Variants in YY1AP1 observed in about 807,000 individuals in gnomAD.
The protein encoded by YY1AP1 is YY1-associated protein 1.
YY1AP1 carries 43 observed loss-of-function variants against 39.9 expected under a neutral mutation model. That is an observed-to-expected ratio of 1.08 (90% CI 0.84 to 1.39). The LOEUF is 1.39. Among genes scored for constraint, YY1AP1 ranks in the 40% most tolerant of loss-of-function variants. YY1AP1 has a pLI of 0.00. For synonymous variants in YY1AP1, 292 were observed against 331.3 expected (o/e 0.88, Z 1.29); for missense variants, 813 against 900.7 (o/e 0.90, Z 1.25).
intron 5 of YY1AP1, 76 bp downstream of exon 5, chr1:155,676,472 A>G: frequency 6.4e-7 from 1 of 1,557,568 alleles, no homozygotes; most frequent in East Asian, 2.2e-5. Flanking sequence ...CAAAGCTGCT[A>G]ATTTTAGATT....
At chr1:155,673,708 T>G (rs1210921016) in intron 6 of YY1AP1, among the ~76,000 whole-genome samples, 2 of 151,990 alleles carry the variant, frequency 1.3e-5, no homozygotes, top group East Asian at 3.9e-4. Context: ...CATCCCCAGC[T>G]AATTTTTTTA....
chr1:155,677,525 G>T (rs1023991730), intron 4 of YY1AP1, among the ~76,000 whole-genome samples: 23 of 152,164 alleles, frequency 1.5e-4, no homozygotes, highest in African/African-American at 2.9e-4. Context: ...CTATGCAACA[G>T]GATAAGATCT....
chr1:155,665,577 G>C (rs1648862928), intron 9 of YY1AP1, among the ~76,000 whole-genome samples: 1 of 151,212 alleles, frequency 6.6e-6, no homozygotes, highest in African/African-American at 2.4e-5. Flanking sequence ...ACTCCAGCCT[G>C]GGCAACAAAG....
chr1:155,673,504 T>C (rs920350663), intron 6 of YY1AP1, among the ~76,000 whole-genome samples: 5 of 152,124 alleles, frequency 3.3e-5, no homozygotes, highest in Non-Finnish European at 7.4e-5. Flanking sequence ...GAGAGTATTA[T>C]CATTACCTGT....
intron 9 of YY1AP1, among the ~76,000 whole-genome samples, chr1:155,664,559 C>T (rs1202222130): frequency 3.3e-5 from 5 of 151,974 alleles, no homozygotes; most frequent in African/African-American, 1.2e-4. Flanking sequence ...CATGGCAAAA[C>T]CCCATCTCTA....
In YY1AP1 at chr1:155,659,730, G is replaced by A; in HGVS notation, c.2180C>T (p.Ser727Phe). Residue 727 changes from serine to phenylalanine, a missense_variant, in exon 11 of 11, where the codon TCC (serine) becomes TTC (phenylalanine). Ser to Phe is a radical substitution (Grantham distance 155). This residue lies in a region of YY1AP1 where 586 missense variants were observed against 647.4 expected (regional missense o/e 0.91). Transcript: ENST00000355499. ...QGIQESLNNS[S>F]PGDLEEVVKM... ...GACAACTTCCTCTAAATCCCCAGGG[G>A]AAGAGTTGTTTAGAGACTCCTGGAT... 6.2e-7 allele frequency: 1 copy of A among 1,614,194 alleles called. No homozygotes were observed. Among genetic ancestry groups the A allele is most frequent in the Non-Finnish European group, 8.5e-7 (1 of 1,180,030 alleles).
chr1:155,682,146 T>C (rs142930310), intron 2 of YY1AP1, among the ~76,000 whole-genome samples: 1 of 152,338 alleles, frequency 6.6e-6, no homozygotes, highest in Non-Finnish European at 1.5e-5. Flanking sequence ...GAGATCTTTG[T>C]TCTGAGTTCT....
At chr1:155,667,064 T>TA (rs1649117417) in intron 9 of YY1AP1, among the ~76,000 whole-genome samples, 1 of 152,292 alleles carries the variant, frequency 6.6e-6, no homozygotes, top group Non-Finnish European at 1.5e-5. Context: ...CTAATGCATA[T>TA]AATCCCAGCT....
At chr1:155,688,297 C>T in intron 1 of YY1AP1, 96 bp from the exon 2 acceptor site, 3 of 1,570,586 alleles carry the variant, frequency 1.9e-6, no homozygotes, top group Non-Finnish European at 2.6e-6. Flanking sequence ...GGATCGTTTC[C>T]CCTCGCAAAG....
At chr1:155,674,225 T>C (rs1335026342) in intron 6 of YY1AP1, among the ~76,000 whole-genome samples, 6 of 148,966 alleles carry the variant, frequency 4.0e-5, no homozygotes, top group Non-Finnish European at 5.9e-5. Context: ...AAACTAGCTC[T>C]ACACATAAAA....
Position 155,680,416 on chromosome 1 carries a change from A to C in YY1AP1, c.21T>G (p.Thr7=), listed in dbSNP as rs143309316. The change falls in exon 3 of 11, where the codon ACT becomes ACG. Residue 7 remains threonine, a splice_region_variant and synonymous_variant. Transcript: ENST00000355499. ...TTCTCACTTGAGGATCATTACTCAC[A>C]GTTTCAAACAGATCTTCCATCAGCT... MEDLFE[T]FQDEMGFSNM... is the part of the protein sequence containing the mutation. 38 of 1,613,396 alleles carry C rather than the reference A, an allele frequency of 2.4e-5. No homozygotes were observed. The highest frequency in any genetic ancestry group is 2.5e-6 in the Non-Finnish European group (3 of 1,179,656).
chr1:155,676,643 CCTT>C lies in YY1AP1; in HGVS notation c.226_228del (p.Lys76del). 6.2e-7 allele frequency: 1 copy of C among 1,614,202 alleles called. No individual in the cohort carries two copies. Among genetic ancestry groups the C allele is most frequent in the Non-Finnish European group, 8.5e-7 (1 of 1,180,040 alleles). On this transcript the variant is annotated inframe_deletion, in exon 5 of 11. Transcript: ENST00000355499. ...CACTGGGGTTTAACCTTCTCTACCT[CCTT>C]CTGCTGTTTGGCTGAAGGTTTCTTC...
At position 155,688,702 on chromosome 1, in the gene YY1AP1, C is replaced by T; in HGVS notation, c.-195G>A. On this transcript the variant is annotated 5_prime_UTR_variant, in exon 1 of 11. Transcript: ENST00000355499. ...AAGCCTTCTCCACCTCCTCTTCTCT[C>T]CTCCCCCTCCCTCCCCGCCCGCACG... is the stretch of plus-strand genomic sequence containing the variant. 1 of 1,520,862 alleles carries T rather than the reference C, an allele frequency of 6.6e-7. No homozygotes were observed. Among genetic ancestry groups the T allele is most frequent in the Non-Finnish European group, 8.8e-7 (1 of 1,141,388 alleles). The allele number at this position is 1,520,862 out of a possible 1,614,324, so 94.2% of individuals were successfully genotyped here.
At chr1:155,679,619 G>A in intron 3 of YY1AP1, 107 bp from the exon 4 acceptor site, 1 of 1,570,806 alleles carries the variant, frequency 6.4e-7, no homozygotes, top group South Asian at 1.1e-5. Context: ...TAATAATGCT[G>A]GCACCCAGAA....
chr1:155,662,517 GAAGAT>G (rs370393058), intron 9 of YY1AP1, among the ~76,000 whole-genome samples: 5 of 137,222 alleles, frequency 3.6e-5, no homozygotes, highest in East Asian at 2.4e-4. Context: ...AAAAAAAAAA[GAAGAT>G]AAGAACTGAA....
chr1:155,682,114 T>C (rs1345126405), intron 2 of YY1AP1, among the ~76,000 whole-genome samples: 1 of 152,222 alleles, frequency 6.6e-6, no homozygotes, highest in East Asian at 1.9e-4. Context: ...AGGAGGCAGC[T>C]TGATTTTTTT....
At chr1:155,676,452 C>A in intron 5 of YY1AP1, 96 bp downstream of exon 5, 1 of 1,444,650 alleles carries the variant, frequency 6.9e-7, no homozygotes, top group Non-Finnish European at 9.7e-7. Flanking sequence ...GTAACTATCT[C>A]TGACATTTAC....
In YY1AP1 at chr1:155,688,679, G is replaced by T; in HGVS notation, c.-172C>A. 3.9e-6 allele frequency: 6 copies of T among 1,531,228 alleles called. No individual in the cohort carries two copies. The highest frequency in any genetic ancestry group is 5.2e-6 in the Non-Finnish European group (6 of 1,145,606). The allele number at this position is 1,531,228 out of a possible 1,614,324, so 94.9% of individuals were successfully genotyped here. On this transcript the variant is annotated 5_prime_UTR_variant, in exon 1 of 11. Transcript: ENST00000355499. ...CGTACCTTCAGCGGCGCGAGCCCAA[G>T]CCTTCTCCACCTCCTCTTCTCTCCT...
At chr1:155,675,594 G>A (rs2149054339) in intron 5 of YY1AP1, among the ~76,000 whole-genome samples, 1 of 152,050 alleles carries the variant, frequency 6.6e-6, no homozygotes, top group South Asian at 2.1e-4. Flanking sequence ...AAAGTGCTGG[G>A]ATTACAGGTG....
Sources: gnomAD v4.1 joint callset for allele counts (sites outside exome capture counted in the v4.1 genomes callset) on GRCh38, gnomAD v4.1.1 for gene constraint, gnomAD v4.1.1 regional missense constraint, MANE v1.5 for transcripts, NCBI Gene and HGNC (gene_info 2026-07-23, HGNC 2026-07-21) for gene names.